The following ZNF185 variants were observed in gnomAD, a reference collection of about 807,000 sequenced individuals.
ZNF185 encodes zinc finger protein 185.
A neutral mutation model predicts 58.6 loss-of-function variants in ZNF185; 56 were observed. The ratio of observed to expected loss-of-function variants is 0.95; its 90% CI spans 0.77 to 1.19. The LOEUF is 1.19. Ranked by LOEUF, ZNF185 falls within the 50% of genes most tolerant of loss-of-function variation. The pLI, the probability that ZNF185 is intolerant of heterozygous loss-of-function variation, is 0.00. For synonymous variants in ZNF185, 230 were observed against 215.9 expected (o/e 1.07, Z -0.57); for missense variants, 627 against 573.5 (o/e 1.09, Z -0.95).
the ZNF185 span, among the ~76,000 whole-genome samples, chrX:152,900,036 C>A: frequency 1.8e-5 from 2 of 111,903 alleles, no homozygotes; most frequent in Non-Finnish European, 3.8e-5. Flanking sequence ...ACTTCCTGCT[C>A]AGCTCAAGTC....
intron 12 of ZNF185, among the ~76,000 whole-genome samples, chrX:152,930,709 G>T (rs781847468): frequency 1.7e-4 from 19 of 111,644 alleles, no homozygotes; most frequent in Non-Finnish European, 2.6e-4. Context: ...AGGAGAAAAA[G>T]GCGGAGACCA....
chrX:152,961,521 A>G (rs782428927), intron 17 of ZNF185, among the ~76,000 whole-genome samples: 177 of 109,998 alleles, frequency 1.6e-3, no homozygotes, highest in African/African-American at 5.7e-3. Context: ...TTCCCCAGAG[A>G]TTTTTTTTTC....
chrX:152,960,941 C>G (rs1016444474), intron 17 of ZNF185, among the ~76,000 whole-genome samples: 15 of 112,400 alleles, frequency 1.3e-4, no homozygotes, highest in African/African-American at 4.5e-4. Flanking sequence ...TCACATCCAG[C>G]TTTGGTCACT....
the ZNF185 span, among the ~76,000 whole-genome samples, chrX:152,899,865 G>A: frequency 1.8e-5 from 2 of 111,543 alleles, no homozygotes; most frequent in African/African-American, 3.3e-5. Context: ...TAACCTCCCC[G>A]TTACTCCTGA....
At chrX:152,903,260 G>A in the ZNF185 span, among the ~76,000 whole-genome samples, 1 of 108,219 alleles carries the variant, frequency 9.2e-6, no homozygotes, top group South Asian at 4.1e-4. Context: ...GTGGTGGCAG[G>A]CGTCTGTAAT....
the ZNF185 span, among the ~76,000 whole-genome samples, chrX:152,906,227 G>T: frequency 5.3e-5 from 6 of 112,451 alleles, no homozygotes; most frequent in Admixed American, 9.3e-5. Flanking sequence ...GCCTGGGTCC[G>T]CCCATCTCTA....
At chrX:152,912,627 G>C (rs183255266), upstream of ZNF185, among the ~76,000 whole-genome samples, 1 of 111,844 alleles carries the variant, frequency 8.9e-6, no homozygotes, top group Non-Finnish European at 1.9e-5. Flanking sequence ...GTACGTCTTT[G>C]AGGTGCCCAG....
At chrX:152,938,868 CTTAGG>C (rs2046731295) in intron 15 of ZNF185, among the ~76,000 whole-genome samples, 1 of 104,607 alleles carries the variant, frequency 9.6e-6, no homozygotes, top group Non-Finnish European at 2.0e-5. Context: ...GAGGGTACTA[CTTAGG>C]TGGGTGGAAA....
intron 15 of ZNF185, among the ~76,000 whole-genome samples, chrX:152,940,195 G>C (rs1262863270): frequency 9.0e-6 from 1 of 111,024 alleles, no homozygotes; most frequent in Non-Finnish European, 1.9e-5. Flanking sequence ...TAAAATATTT[G>C]AAGAAATTCT....
rs782312851 is a variant in ZNF185 at position 152,959,972 on chromosome X, C to A, written c.1607+76C>A. 1.6e-5 allele frequency: 16 copies of A among 989,530 alleles called. No homozygotes were observed. In the African/African-American group the frequency reaches 3.0e-4, roughly 19 times the overall value. 81.5% of individuals were successfully genotyped at this position (989,530 alleles called of 1,213,427 possible). A position where few individuals can be genotyped will look rare whatever the true frequency, so the allele number is the denominator to read the frequency against. ...TCCAGGGCAGCAACCCAGGACAAAC[C>A]CCCACACACTAGGCATGCCTGTTTA... On this transcript the variant is annotated intron_variant, in intron 17 of 22. Coordinates refer to ENST00000449285, the Ensembl canonical transcript of ZNF185.
chrX:152,909,157 C>T, the ZNF185 span, among the ~76,000 whole-genome samples: 2 of 112,385 alleles, frequency 1.8e-5, no homozygotes, highest in Non-Finnish European at 3.8e-5. Context: ...ATGACTGCCC[C>T]GGAGAGCGGA....
chrX:152,917,195 C>T (rs782389335), intron 4 of ZNF185, 26 bp downstream of exon 5: 2 of 1,211,466 alleles, frequency 1.7e-6, no homozygotes, highest in Non-Finnish European at 1.1e-6. Context: ...ACTCTGCCGG[C>T]CTTCCTGTGC....
Position 152,914,704 on chromosome X carries a change from C to A in ZNF185, c.35-6C>A. The A allele has an allele frequency of 8.3e-7, 1 of 1,198,955 alleles. No homozygotes were observed. Among genetic ancestry groups the A allele is most frequent in the South Asian group, 1.8e-5 (1 of 55,182 alleles). ...CTTCTGAGGCGGTTGGCTTTTCCCA[C>A]CACAGGGAAGCCTCTGCCACCAGGC... On this transcript the variant is annotated splice_region_variant and splice_polypyrimidine_tract_variant and intron_variant, in intron 1 of 22. Transcript: ENST00000449285.
chrX:152,939,236 A>G (rs2046845438), intron 15 of ZNF185, among the ~76,000 whole-genome samples: 2 of 104,742 alleles, frequency 1.9e-5, no homozygotes, highest in African/African-American at 6.8e-5. Context: ...TGGGCAATGG[A>G]TATCTAAGGT....
intron 16 of ZNF185, among the ~76,000 whole-genome samples, chrX:152,949,653 G>A (rs2048112449): frequency 8.9e-6 from 1 of 111,889 alleles, no homozygotes. Flanking sequence ...AAAGCCACTA[G>A]ATGTGCTCTC....
chrX:152,942,960 ATATATG>A (rs782727033), intron 15 of ZNF185, among the ~76,000 whole-genome samples: 23 of 111,591 alleles, frequency 2.1e-4, no homozygotes, highest in African/African-American at 3.6e-4. Flanking sequence ...ATCTATATCT[ATATATG>A]TATATGTATA....
chrX:152,914,550 A>G, intron 1 of ZNF185, 27 bp downstream of exon 2: 1 of 1,165,258 alleles, frequency 8.6e-7, no homozygotes, highest in South Asian at 1.9e-5. Context: ...CTGGTTTCCC[A>G]GGCTCTGTTT....
chrX:152,950,207 T>A (rs868941537), intron 16 of ZNF185, among the ~76,000 whole-genome samples: 2 of 112,114 alleles, frequency 1.8e-5, no homozygotes, highest in African/African-American at 6.5e-5. Context: ...CAATGATCCT[T>A]TTATATAAGG....
rs541262479 is a variant in ZNF185 at position 152,929,977 on chromosome X, G to A, written c.917+1316G>A. On this transcript the variant is annotated intron_variant, in intron 12 of 22. Transcript: ENST00000449285. ...GTCTTCTGGGTCATGTCCTTCTCCT[G>A]AGTTTCTTCCCCAGGCAGCATCTGA... is the stretch of plus-strand genomic sequence containing the variant. Among the ~76,000 whole-genome samples, 96 of 112,323 alleles carry A rather than the reference G, an allele frequency of 8.5e-4. 1 individual carries two copies. In the South Asian group the frequency reaches 0.035, roughly 41 times the overall value.
Sources: allele counts gnomAD v4.1 joint callset (sites outside exome capture counted in the v4.1 genomes callset), GRCh38; gene constraint gnomAD v4.1.1; transcripts MANE v1.5; gene names NCBI Gene and HGNC (gene_info 2026-07-23, HGNC 2026-07-21).